The following RBAK variants were observed in gnomAD, a reference collection of about 807,000 sequenced individuals.
RBAK encodes the protein RB-associated KRAB zinc finger protein.
In RBAK, 39 loss-of-function variants were observed where a neutral mutation model predicts 65.8. The ratio of observed to expected loss-of-function variants is 0.59; its 90% CI spans 0.46 to 0.77. RBAK has a LOEUF of 0.77. RBAK is among the 30% of genes least tolerant of loss of function. The pLI, the probability that RBAK is intolerant of heterozygous loss-of-function variation, is 0.00. For missense variants in RBAK, 884 were observed against 855.1 expected, an observed-to-expected ratio of 1.03 and a Z score of -0.42; for synonymous variants, 343 against 289.7, an observed-to-expected ratio of 1.18 and a Z score of -1.87.
At chr7:5,058,275 A>C (rs1778976375) in intron 4 of RBAK, among the ~76,000 whole-genome samples, 1 of 152,090 alleles carries the variant, frequency 6.6e-6, no homozygotes, top group Non-Finnish European at 1.5e-5. Context: ...GGGTTTCACC[A>C]TGTTGACCAC....
At position 5,068,980 on chromosome 7, in the gene RBAK, C is replaced by T. The variant is rs1031980294; in HGVS notation, c.*3379C>T. On this transcript the variant is annotated 3_prime_UTR_variant, in exon 5 of 5. Transcript: ENST00000396912. ...TATAAAGACGGGCAAAACTTGTATA[C>T]GTGGTTTAAAATTAGGGTAGCAGTT... 1.3e-5 allele frequency: 2 copies of T among 152,104 alleles called. No individual in the cohort carries two copies. The highest frequency in any genetic ancestry group is 4.8e-5 in the African/African-American group (2 of 41,408). 9.4% of individuals were successfully genotyped at this position (152,104 alleles called of 1,614,324 possible). A position where few individuals can be genotyped will look rare whatever the true frequency, so the allele number is the denominator to read the frequency against.
chr7:5,048,744 C>T lies in RBAK; in HGVS notation c.15+653C>T, dbSNP rs1186460770. On this transcript the variant is annotated intron_variant, in intron 2 of 4. Transcript: ENST00000396912. This position sits in a 1 kb window ranked among gnomAD's most constrained non-coding sequence, Gnocchi z 4.4. ...AAAGAAAAGAGGTTTAATTGGCTCACGCCTGCAGGCTCTATCATAGGAAGC... is the reference window on the plus strand; with the variant it reads ...AAAGAAAAGAGGTTTAATTGGCTCATGCCTGCAGGCTCTATCATAGGAAGC... 2.6e-5 allele frequency among the ~76,000 whole-genome samples: 4 copies of T among 152,118 alleles called. No individual in the cohort carries two copies. The highest frequency in any genetic ancestry group is 4.4e-5 in the Non-Finnish European group (3 of 68,036).
At position 5,046,413 on chromosome 7, in the gene RBAK, C is replaced by G. The variant is rs1196781595; in HGVS notation, c.-45+17C>G. The G allele has an allele frequency of 1.6e-5, 8 of 513,658 alleles. No homozygotes were observed. In the East Asian group the frequency reaches 2.7e-4, roughly 18 times the overall value. 31.8% of individuals were successfully genotyped at this position (513,658 alleles called of 1,614,324 possible). ...CCCAGAAGGGTAGGTCTTGGGTTTT[C>G]GGGCCCGGAGCGAGAAGGGCCTGAG... On this transcript the variant is annotated intron_variant, in intron 1 of 4. Coordinates refer to ENST00000396912, the MANE Select transcript of RBAK (RefSeq NM_021163.4).
Position 5,048,390 on chromosome 7 carries a change from T to G in RBAK, c.15+299T>G, listed in dbSNP as rs1788042068. Among the ~76,000 whole-genome samples, 1 of 152,140 alleles carries G rather than the reference T, an allele frequency of 6.6e-6. No individual in the cohort carries two copies. The stretch of plus-strand genomic sequence containing the variant: ...GGTTTCACCATGTTGGCCAGGCTGG[T>G]CTCAAACTCCTGACCTCAGGTGATC... On this transcript the variant is annotated intron_variant, in intron 2 of 4. Coordinates refer to ENST00000396912, the MANE Select transcript of RBAK (RefSeq NM_021163.4). This position sits in a 1 kb window ranked among gnomAD's most constrained non-coding sequence, Gnocchi z 4.4.
chr7:5,048,573 A>G lies in RBAK; in HGVS notation c.15+482A>G, dbSNP rs935903910. Among the ~76,000 whole-genome samples, 25 of 152,362 alleles carry G rather than the reference A, an allele frequency of 1.6e-4. No individual in the cohort carries two copies. The highest frequency in any genetic ancestry group is 3.4e-3 in the Middle Eastern group (1 of 294). ...ACCAAAAATGATTTGTGAAGCTTGT[A>G]TGTGTGGATAGTAGATTTTAAGGCT... On this transcript the variant is annotated intron_variant, in intron 2 of 4. Coordinates refer to ENST00000396912, the MANE Select transcript of RBAK (RefSeq NM_021163.4). This position sits in a 1 kb window ranked among gnomAD's most constrained non-coding sequence, Gnocchi z 4.4.
Position 5,064,869 on chromosome 7 carries a change from C to G in RBAK, c.1413C>G (p.Ala471=). ...ECGKTFNLNS[A]FIRHRKVHTE... is the part of the protein sequence containing the mutation. ...GCAAAACCTTCAATTTAAATTCAGC[C>G]TTCATTAGACATCGGAAAGTACACA... Residue 471 remains alanine, a synonymous_variant, in exon 5 of 5, where the codon GCC becomes GCG. Transcript: ENST00000396912. This position sits in a 1 kb window ranked among gnomAD's most constrained non-coding sequence, Gnocchi z 6.3. 1 of 1,613,788 alleles carries G rather than the reference C, an allele frequency of 6.2e-7. No individual in the cohort carries two copies. Among genetic ancestry groups the G allele is most frequent in the Non-Finnish European group, 8.5e-7 (1 of 1,179,828 alleles).
In RBAK at chr7:5,065,116, T is replaced by C. The variant is rs1779185026; in HGVS notation, c.1660T>C (p.Tyr554His). 2.5e-6 allele frequency: 4 copies of C among 1,613,868 alleles called. No individual in the cohort carries two copies. The African/African-American group carries it at 4.0e-5, about 16-fold the overall frequency. Residue 554 changes from tyrosine (Y) to histidine (H), a missense_variant, in exon 5 of 5, where the codon TAT (tyrosine) becomes CAT (histidine). Physicochemically the swap from Tyr to His is moderately conservative, Grantham distance 83 (BLOSUM62 2). Coordinates refer to ENST00000396912, the MANE Select transcript of RBAK (RefSeq NM_021163.4). This position sits in a 1 kb window ranked among gnomAD's most constrained non-coding sequence, Gnocchi z 5.3. ...CGKLFNELSY[Y>H]TEHYRSHSEE... ...AAAGTTATTCAATGAGTTGTCATAC[T>C]ATACTGAACATTATAGAAGTCATTC...
At chr7:5,061,680 C>A (rs1258498439) in intron 4 of RBAK, among the ~76,000 whole-genome samples, 3 of 151,298 alleles carry the variant, frequency 2.0e-5, no homozygotes, top group African/African-American at 7.3e-5. Flanking sequence ...GGTGGATCAC[C>A]TGAGGTCAAG....
rs150931336 is a variant in RBAK at position 5,058,730 on chromosome 7, T to C, written c.238+951T>C. On this transcript the variant is annotated intron_variant, in intron 4 of 4. Coordinates refer to ENST00000396912, the MANE Select transcript of RBAK (RefSeq NM_021163.4). ...AACTGGAATCATGCTCTGTCCATAG[T>C]AGACATTCAGGAAGTGTGAATTTCA... Among the ~76,000 whole-genome samples the C allele has an allele frequency of 5.8e-3, 891 of 152,346 alleles. 4 individuals are homozygous for C. The highest frequency in any genetic ancestry group is 0.02 in the African/African-American group (836 of 41,578).
chr7:5,052,230 G>A (rs1271656069), intron 2 of RBAK, among the ~76,000 whole-genome samples: 4 of 152,048 alleles, frequency 2.6e-5, no homozygotes, highest in East Asian at 3.9e-4. Context: ...TACTTATAAC[G>A]TATTTGCATC....
chr7:5,049,980 A>G (rs1168860154), intron 2 of RBAK, among the ~76,000 whole-genome samples: 2 of 152,134 alleles, frequency 1.3e-5, no homozygotes, highest in East Asian at 1.9e-4. Flanking sequence ...CGGCCTCCCA[A>G]AATGCTAGGA....
In RBAK at chr7:5,045,991, C is replaced by T; in HGVS notation, c.-450C>T. On this transcript the variant is annotated 5_prime_UTR_variant, in exon 1 of 5. Transcript: ENST00000396912. ...GCCCGGGCCAGCACCTAGGCGGGCGCGGGGGTGTGCAGGCCAGGGTTCGCG... is the reference window on the plus strand; with the variant it reads ...GCCCGGGCCAGCACCTAGGCGGGCGTGGGGGTGTGCAGGCCAGGGTTCGCG... 1 of 291,136 alleles carries T rather than the reference C, an allele frequency of 3.4e-6. No homozygotes were observed. Among genetic ancestry groups the T allele is most frequent in the South Asian group, 2.8e-5 (1 of 35,700 alleles). The allele number at this position is 291,136 out of a possible 1,614,324, so 18.0% of individuals were successfully genotyped here. A position where few individuals can be genotyped will look rare whatever the true frequency, so the allele number is the denominator to read the frequency against.
chr7:5,059,870 A>C (rs1404848477), intron 4 of RBAK, among the ~76,000 whole-genome samples: 2 of 152,174 alleles, frequency 1.3e-5, no homozygotes, highest in African/African-American at 4.8e-5. Context: ...TTCTAAGATT[A>C]TATGCTCTGA....
chr7:5,063,564 A>G (rs187814441), intron 4 of RBAK, 131 bp from the exon 5 acceptor site: 87 of 636,468 alleles, frequency 1.4e-4, no homozygotes, highest in African/African-American at 1.1e-3. Context: ...TGCATTTGTA[A>G]TTATTTTTAT....
chr7:5,050,542 A>G (rs1441313414), intron 2 of RBAK, among the ~76,000 whole-genome samples: 2 of 152,132 alleles, frequency 1.3e-5, no homozygotes, highest in Non-Finnish European at 2.9e-5. Flanking sequence ...GTGATGTGCT[A>G]ATTCTACCAT....
chr7:5,064,737 G>T lies in RBAK; in HGVS notation c.1281G>T (p.Lys427Asn). The change falls in exon 5 of 5, where the codon AAG becomes AAT. Residue 427 changes from lysine (K) to asparagine (N), a missense_variant. Physicochemically the swap from Lys to Asn is moderately conservative, Grantham distance 94. Transcript: ENST00000396912. The surrounding 1 kb of genome is among the most constrained non-coding windows in gnomAD (Gnocchi z 6.3). ...ATCAGAGAACACACACGGGAGAGAA[G>T]CCCTATCAGTGTAGCGAGTGTGGGA... ...ITHQRTHTGE[K>N]PYQCSECGKF... 1 of 1,614,034 alleles carries T rather than the reference G, an allele frequency of 6.2e-7. No homozygotes were observed. Among genetic ancestry groups the T allele is most frequent in the Non-Finnish European group, 8.5e-7 (1 of 1,179,934 alleles).
intron 2 of RBAK, among the ~76,000 whole-genome samples, chr7:5,050,259 A>ACTTC (rs1245078368): frequency 6.6e-6 from 1 of 152,230 alleles, no homozygotes; most frequent in Admixed American, 6.5e-5. Flanking sequence ...ATTGTTTTGA[A>ACTTC]GAAACTGGGT....
chr7:5,054,945 TG>T (rs67235279), intron 2 of RBAK, among the ~76,000 whole-genome samples: 6,208 of 151,570 alleles, frequency 0.041, 461 homozygotes, highest in African/African-American at 0.14. Context: ...TAATTTTTTT[TG>T]TTTGTTTGTT....
chr7:5,047,827 G>A (rs1179023009), intron 1 of RBAK, among the ~76,000 whole-genome samples: 1 of 151,566 alleles, frequency 6.6e-6, no homozygotes, highest in African/African-American at 2.4e-5. Flanking sequence ...AAGGAAGGCG[G>A]ATCACTTGAG....
Sources: gnomAD v4.1 joint callset for allele counts (sites outside exome capture counted in the v4.1 genomes callset) on GRCh38, gnomAD v4.1.1 for gene constraint, Gnocchi (gnomAD v3.1) non-coding constraint, MANE v1.5 for transcripts, NCBI Gene and HGNC (gene_info 2026-07-23, HGNC 2026-07-21) for gene names.